RAB27B: variants seen among roughly 807,000 people sequenced by gnomAD.
The protein encoded by RAB27B is ras-related protein Rab-27B.
A neutral mutation model predicts 24.6 loss-of-function variants in RAB27B; 15 were observed. The observed-to-expected ratio is 0.61, with a 90% CI of 0.41 to 0.94. The LOEUF (loss-of-function observed/expected upper bound fraction) is 0.94, where lower values mean the gene tolerates loss of function less well. Among genes scored for constraint, RAB27B ranks in the 40% least tolerant of loss-of-function variants. RAB27B has a pLI of 0.00. For synonymous variants in RAB27B, 105 were observed against 92.5 expected (o/e 1.14, Z -0.78); for missense variants, 261 against 266.8 (o/e 0.98, Z 0.15).
At chr18:54,884,488 A>G (rs1020857281) in intron 4 of RAB27B, 52 bp downstream of exon 4, 11 of 1,185,486 alleles carry the variant, frequency 9.3e-6, no homozygotes, top group African/African-American at 9.1e-5. Flanking sequence ...CAACTGCCTT[A>G]GGTGCTTGTT....
At chr18:54,785,523 A>G (rs1363605978) in intron 2 of RAB27B, among the ~76,000 whole-genome samples, 1 of 138,878 alleles carries the variant, frequency 7.2e-6, no homozygotes, top group Non-Finnish European at 1.5e-5. Context: ...ATTCCCCCAT[A>G]CTGACTATCC....
intron 1 of RAB27B, among the ~76,000 whole-genome samples, chr18:54,856,524 G>A (rs1911791337): frequency 6.6e-6 from 1 of 152,098 alleles, no homozygotes; most frequent in South Asian, 2.1e-4. Context: ...GAATGGATGG[G>A]GCAAAACTGG....
chr18:54,769,869 T>C (rs1162786411), intron 2 of RAB27B, among the ~76,000 whole-genome samples: 1 of 152,148 alleles, frequency 6.6e-6, no homozygotes, highest in South Asian at 2.1e-4. Context: ...TAAGTTCTTC[T>C]TCTTTTATTT....
intron 1 of RAB27B, among the ~76,000 whole-genome samples, chr18:54,831,281 G>A (rs1050825904): frequency 6.6e-6 from 1 of 152,074 alleles, no homozygotes; most frequent in Non-Finnish European, 1.5e-5. Flanking sequence ...TGGAGGAAGA[G>A]CATTCTAGAT....
At chr18:54,847,303 A>G (rs899028318) in intron 1 of RAB27B, among the ~76,000 whole-genome samples, 5 of 152,202 alleles carry the variant, frequency 3.3e-5, no homozygotes, top group African/African-American at 1.2e-4. Flanking sequence ...AAATTATCCT[A>G]ATGATGGAAA....
chr18:54,825,697 T>C (rs1910449569), upstream of RAB27B, among the ~76,000 whole-genome samples: 1 of 152,360 alleles, frequency 6.6e-6, no homozygotes, highest in Non-Finnish European at 1.5e-5. Flanking sequence ...TACTCTAGTT[T>C]ACTTTCTCCA....
intron 2 of RAB27B, among the ~76,000 whole-genome samples, chr18:54,753,757 T>TA (rs1429948429): frequency 1.3e-5 from 2 of 152,236 alleles, no homozygotes; most frequent in Non-Finnish European, 1.5e-5. Flanking sequence ...AATTGCTTGG[T>TA]AATTTGTACG....
At chr18:54,730,316 C>T (rs1445300374) in intron 2 of RAB27B, among the ~76,000 whole-genome samples, 5 of 152,022 alleles carry the variant, frequency 3.3e-5, no homozygotes, top group South Asian at 4.1e-4. Context: ...CCATAAGTTC[C>T]GAAAAGTTGA....
At chr18:54,881,724 G>A (rs1470896061) in intron 3 of RAB27B, among the ~76,000 whole-genome samples, 4 of 152,108 alleles carry the variant, frequency 2.6e-5, no homozygotes, top group Non-Finnish European at 4.4e-5. Flanking sequence ...CTCCCCGTGG[G>A]GGAAATGGGG....
chr18:54,786,660 T>G (rs1286422411), intron 2 of RAB27B, among the ~76,000 whole-genome samples: 2 of 152,264 alleles, frequency 1.3e-5, no homozygotes, highest in Admixed American at 6.5e-5. Flanking sequence ...GTAATTATTC[T>G]ATAAGTCATT....
At chr18:54,842,561 C>A (rs1911158592) in intron 1 of RAB27B, among the ~76,000 whole-genome samples, 1 of 152,048 alleles carries the variant, frequency 6.6e-6, no homozygotes, top group African/African-American at 2.4e-5. Flanking sequence ...AACAAGATAA[C>A]CTTATATATT....
chr18:54,737,634 C>T (rs1267461359), intron 2 of RAB27B, among the ~76,000 whole-genome samples: 2 of 151,812 alleles, frequency 1.3e-5, no homozygotes, highest in Admixed American at 1.3e-4. Flanking sequence ...TACTGCAGTG[C>T]CTGGCAAAGA....
intron 2 of RAB27B, among the ~76,000 whole-genome samples, chr18:54,810,209 T>C (rs1056516184): frequency 1.3e-5 from 2 of 152,184 alleles, no homozygotes; most frequent in Non-Finnish European, 2.9e-5. Context: ...TTTGTGTGTA[T>C]ATTTTCTTGG....
intron 1 of RAB27B, among the ~76,000 whole-genome samples, chr18:54,831,806 T>C (rs894186513): frequency 6.6e-6 from 1 of 152,058 alleles, no homozygotes; most frequent in Non-Finnish European, 1.5e-5. Context: ...AGACAGAGTC[T>C]TGCTCTGTTG....
upstream of RAB27B, among the ~76,000 whole-genome samples, chr18:54,826,241 C>G (rs1819885): frequency 0.96 from 145,932 of 152,320 alleles, 70,266 homozygotes; most frequent in East Asian, 1. Flanking sequence ...GTTATGTCTA[C>G]TTAAGTTATG....
At chr18:54,824,275 A>G (rs754594287), upstream of RAB27B, among the ~76,000 whole-genome samples, 1 of 152,168 alleles carries the variant, frequency 6.6e-6, no homozygotes, top group Non-Finnish European at 1.5e-5. Flanking sequence ...GGAGTTAATA[A>G]TATCCTTTTA....
intron 2 of RAB27B, among the ~76,000 whole-genome samples, chr18:54,748,291 A>G (rs899066116): frequency 2.0e-5 from 3 of 152,212 alleles, no homozygotes; most frequent in African/African-American, 7.2e-5. Flanking sequence ...TGTAGAAGTC[A>G]GAATGATTAT....
intron 2 of RAB27B, among the ~76,000 whole-genome samples, chr18:54,797,930 G>A (rs771336871): frequency 6.6e-6 from 1 of 152,120 alleles, no homozygotes; most frequent in Non-Finnish European, 1.5e-5. Context: ...ATATTCAGGA[G>A]ACATTGTTTT....
At chr18:54,875,359 A>C (rs1443085891) in intron 1 of RAB27B, among the ~76,000 whole-genome samples, 1 of 152,154 alleles carries the variant, frequency 6.6e-6, no homozygotes, top group Non-Finnish European at 1.5e-5. Context: ...GGAGAATCTG[A>C]GAAACCAGTC....
Sources: allele counts gnomAD v4.1 joint callset (sites outside exome capture counted in the v4.1 genomes callset), GRCh38; gene constraint gnomAD v4.1.1; transcripts MANE v1.5; gene names NCBI Gene and HGNC (gene_info 2026-07-23, HGNC 2026-07-21).